CANX: variants seen among roughly 807,000 people sequenced by gnomAD.
The protein encoded by CANX is epididymis secretory sperm binding protein.
In CANX, 14 loss-of-function variants were observed where a neutral mutation model predicts 75.7. That is an observed-to-expected ratio of 0.19 (90% CI 0.12 to 0.29). CANX has a LOEUF of 0.29. CANX is among the 10% of genes least tolerant of loss of function. CANX has a pLI of 1.00. For missense variants in CANX, 567 were observed against 713.2 expected, an observed-to-expected ratio of 0.79 and a Z score of 2.34; for synonymous variants, 227 against 236.9, an observed-to-expected ratio of 0.96 and a Z score of 0.38.
intron 11 of CANX, among the ~76,000 whole-genome samples, chr5:179,723,266 G>C (rs112580968): frequency 6.6e-6 from 1 of 151,706 alleles, no homozygotes. Flanking sequence ...TTCGAAATTT[G>C]TCATTTAGGC....
Position 179,707,198 on chromosome 5 carries a change from TC to T in CANX, c.304+11del. 1 of 1,511,064 alleles carries T rather than the reference TC, an allele frequency of 6.6e-7. No homozygotes were observed. The highest frequency in any genetic ancestry group is 9.2e-7 in the Non-Finnish European group (1 of 1,086,126). The allele number at this position is 1,511,064 out of a possible 1,614,324, so 93.6% of individuals were successfully genotyped here. On this transcript the variant is annotated intron_variant, in intron 4 of 14. Coordinates refer to ENST00000247461, the MANE Select transcript of CANX (RefSeq NM_001746.4). ...AAATTGCCAAATATGATGGTGAGAATCCCATTTGGTTTAGATATAATAGCAG... is the reference window on the plus strand; with the variant it reads ...AAATTGCCAAATATGATGGTGAGAATCCATTTGGTTTAGATATAATAGCAG...
intron 1 of CANX, among the ~76,000 whole-genome samples, chr5:179,682,395 T>G (rs1776086933): frequency 6.7e-6 from 1 of 148,534 alleles, no homozygotes; most frequent in African/African-American, 2.5e-5. Flanking sequence ...GCTAACATGG[T>G]GAAACCCTGT....
chr5:179,722,868 T>C lies in CANX; in HGVS notation c.1247T>C (p.Met416Thr). ...DFFEDLEPFR[M>T]TPFSAIGLEL... ...TTTGAAGATCTGGAACCTTTCAGAA[T>C]GACTCCTTTTAGTGCTATTGGTTTG... Residue 416 changes from methionine (M) to threonine (T), a missense_variant, in exon 11 of 15, where the codon ATG becomes ACG. This residue lies in a region of CANX where 49 missense variants were observed against 100.1 expected (regional missense o/e 0.49). Transcript: ENST00000247461. 1 of 1,614,014 alleles carries C rather than the reference T, an allele frequency of 6.2e-7. No homozygotes were observed. Among genetic ancestry groups the C allele is most frequent in the African/African-American group, 1.3e-5 (1 of 75,048 alleles).
chr5:179,718,461 G>C (rs1462981227), intron 8 of CANX, among the ~76,000 whole-genome samples: 1 of 152,150 alleles, frequency 6.6e-6, no homozygotes, highest in Non-Finnish European at 1.5e-5. Flanking sequence ...GATGTCAAGT[G>C]ATCTACCAGC....
At chr5:179,721,689 A>T (rs1778320689) in intron 10 of CANX, among the ~76,000 whole-genome samples, 1 of 152,188 alleles carries the variant, frequency 6.6e-6, no homozygotes, top group Admixed American at 6.5e-5. Context: ...TCATGCAAAA[A>T]TGTACACCCT....
At chr5:179,723,593 A>G (rs1657752190) in intron 11 of CANX, 67 bp from the exon 12 acceptor site, 7 of 1,571,666 alleles carry the variant, frequency 4.5e-6, no homozygotes, top group Non-Finnish European at 5.2e-6. Context: ...GAACTGCAGA[A>G]AAACAGCACG....
chr5:179,703,605 ATTTTTCTTTTTTT>A (rs1776918276), intron 1 of CANX, among the ~76,000 whole-genome samples: 1 of 148,574 alleles, frequency 6.7e-6, no homozygotes, highest in African/African-American at 2.5e-5. Flanking sequence ...ACCTGGCTAA[ATTTTTCTTTTTTT>A]GATTTTTTGT....
chr5:179,695,268 C>T (rs576457999), upstream of CANX, among the ~76,000 whole-genome samples: 9 of 152,094 alleles, frequency 5.9e-5, no homozygotes, highest in African/African-American at 1.7e-4. Context: ...ACCGTGTTAG[C>T]CAGGATGGTC....
In CANX at chr5:179,731,335, AAGTT is replaced by A. The variant is rs750700687; in HGVS notation, c.*2694_*2697del. On this transcript the variant is annotated 3_prime_UTR_variant, in exon 15 of 15. Coordinates refer to ENST00000247461, the MANE Select transcript of CANX (RefSeq NM_001746.4). ...TTAAATACTTTAGGGGTATTTTTGA[AAGTT>A]AGCCCAGTTTTTTATGTGCTATTAA... Among the ~76,000 whole-genome samples, 9 of 152,284 alleles carry A rather than the reference AAGTT, an allele frequency of 5.9e-5. No homozygotes were observed. The highest frequency in any genetic ancestry group is 1.9e-4 in the East Asian group (1 of 5,194).
intron 3 of CANX, 107 bp from the exon 4 acceptor site, chr5:179,707,025 A>G: frequency 1.4e-6 from 1 of 713,638 alleles, no homozygotes; most frequent in Non-Finnish European, 2.6e-6. Context: ...TAGAGTGGTT[A>G]AATAGGCTAA....
At chr5:179,685,546 CTTT>C (rs1231654880) in intron 1 of CANX, among the ~76,000 whole-genome samples, 3 of 61,440 alleles carry the variant, frequency 4.9e-5, no homozygotes, top group Admixed American at 4.5e-4. Flanking sequence ...CCGCGCCCAG[CTTT>C]TTTTTTTTTT....
At chr5:179,719,167 A>G (rs950354398) in intron 8 of CANX, among the ~76,000 whole-genome samples, 7 of 152,106 alleles carry the variant, frequency 4.6e-5, no homozygotes, top group Non-Finnish European at 8.8e-5. Context: ...GTGGTAACTA[A>G]CTTTTTGAGA....
chr5:179,718,049 G>C, intron 8 of CANX, among the ~76,000 whole-genome samples: 1 of 152,202 alleles, frequency 6.6e-6, no homozygotes, highest in East Asian at 1.9e-4. Context: ...GTGTTGCCCA[G>C]GTGGGAGTAC....
chr5:179,682,682 C>T (rs2113026592), intron 1 of CANX, among the ~76,000 whole-genome samples: 1 of 146,744 alleles, frequency 6.8e-6, no homozygotes, highest in South Asian at 2.2e-4. Flanking sequence ...TGTACTCCAG[C>T]CTGGGTGACA....
intron 7 of CANX, among the ~76,000 whole-genome samples, chr5:179,714,253 A>G (rs1343296367): frequency 6.6e-6 from 1 of 152,198 alleles, no homozygotes; most frequent in Non-Finnish European, 1.5e-5. Flanking sequence ...GGCCTGCCTC[A>G]GCCTCCCAGA....
In CANX at chr5:179,724,749, G is replaced by T; in HGVS notation, c.1611G>T (p.Lys537Asn). Residue 537 changes from lysine (K) to asparagine (N), a missense_variant, in exon 13 of 15, where the codon AAG becomes AAT. Physicochemically the swap from Lys to Asn is moderately conservative, Grantham distance 94. Transcript: ENST00000247461. Reference protein sequence around the residue: ...EEEEKEEEKDKGDEEEEGEEK... With the variant: ...EEEEKEEEKDNGDEEEEGEEK... ...AAGAGAAGGAAGAGGAAAAGGACAA[G>T]GGAGATGAGGAGGAGGAAGGAGAAG... is the stretch of plus-strand genomic sequence containing the variant. The T allele has an allele frequency of 1.2e-6, 2 of 1,611,698 alleles. No individual in the cohort carries two copies. The highest frequency in any genetic ancestry group is 2.2e-5 in the East Asian group (1 of 44,832).
At chr5:179,678,767 T>C in exon 1 of CANX, 1 of 1,537,092 alleles carries the variant, frequency 6.5e-7, no homozygotes, top group Non-Finnish European at 8.7e-7. Context: ...CAGTTCCTGC[T>C]GCAGCTTCAG....
At chr5:179,683,248 C>T (rs1776114251) in intron 1 of CANX, among the ~76,000 whole-genome samples, 1 of 152,098 alleles carries the variant, frequency 6.6e-6, no homozygotes, top group South Asian at 2.1e-4. Flanking sequence ...CTGCCTCAGC[C>T]TCTCAAGTAG....
intron 7 of CANX, 144 bp downstream of exon 7, chr5:179,710,209 G>T: frequency 1.8e-6 from 1 of 542,238 alleles, no homozygotes. Flanking sequence ...GATCACCTGA[G>T]ATCAGGAATT....
Sources: allele counts gnomAD v4.1 joint callset (sites outside exome capture counted in the v4.1 genomes callset), GRCh38; gene constraint gnomAD v4.1.1; regional missense constraint gnomAD v4.1.1; transcripts MANE v1.5; gene names NCBI Gene and HGNC (gene_info 2026-07-23, HGNC 2026-07-21).